HAUS6: variants seen among roughly 807,000 people sequenced by gnomAD.
HAUS6 encodes the protein HAUS augmin like complex subunit 6.
In HAUS6, 80 loss-of-function variants were observed where a neutral mutation model predicts 106.8. The ratio of observed to expected loss-of-function variants is 0.75; its 90% confidence interval spans 0.63 to 0.90. The LOEUF (loss-of-function observed/expected upper bound fraction) is 0.90, where lower values mean the gene tolerates loss of function less well. Among genes scored for constraint, HAUS6 ranks in the 40% least tolerant of loss-of-function variants. The pLI, the probability that HAUS6 is intolerant of heterozygous loss-of-function variation, is 0.00. For synonymous variants in HAUS6, 356 were observed against 379.1 expected (o/e 0.94, Z 0.71); for missense variants, 1,155 against 1,118.1 (o/e 1.03, Z -0.47).
chr9:19,077,497 T>C (rs1214487376), intron 10 of HAUS6, among the ~76,000 whole-genome samples: 2 of 152,094 alleles, frequency 1.3e-5, no homozygotes, highest in East Asian at 3.9e-4. Flanking sequence ...ATCGTGCCAC[T>C]GCACTCCAGC....
intron 12 of HAUS6, among the ~76,000 whole-genome samples, chr9:19,069,657 C>T (rs1169200579): frequency 6.6e-6 from 1 of 152,074 alleles, no homozygotes; most frequent in East Asian, 1.9e-4. Context: ...CAAAATCGTG[C>T]CATTGCACTC....
At chr9:19,096,523 C>G (rs1018742273) in intron 2 of HAUS6, 151 bp downstream of exon 2, 2 of 524,086 alleles carry the variant, frequency 3.8e-6, no homozygotes, top group East Asian at 7.2e-5. Context: ...CTAGATCACG[C>G]CACTGCACTC....
intron 5 of HAUS6, among the ~76,000 whole-genome samples, chr9:19,088,739 G>A (rs1017466960): frequency 4.0e-5 from 6 of 151,256 alleles, no homozygotes; most frequent in African/African-American, 9.7e-5. Flanking sequence ...TGAGCCAGGC[G>A]TGGTGGCAGG....
chr9:19,067,852 C>G (rs1836796307), intron 12 of HAUS6, among the ~76,000 whole-genome samples: 1 of 151,964 alleles, frequency 6.6e-6, no homozygotes, highest in South Asian at 2.1e-4. Flanking sequence ...GCCACCACAC[C>G]CAGCTAATTT....
Position 19,054,008 on chromosome 9 carries a change from TAGG to T in HAUS6, c.*2332_*2334del, listed in dbSNP as rs907888612. The T allele has an allele frequency of 2.0e-5, 3 of 152,180 alleles. No homozygotes were observed. Among genetic ancestry groups the T allele is most frequent in the South Asian group, 2.1e-4 (1 of 4,830 alleles). 9.4% of individuals were successfully genotyped at this position (152,180 alleles called of 1,614,324 possible). A position where few individuals can be genotyped will look rare whatever the true frequency, so the allele number is the denominator to read the frequency against. On this transcript the variant is annotated 3_prime_UTR_variant, in exon 17 of 17. Coordinates refer to ENST00000380502, the MANE Select transcript of HAUS6 (RefSeq NM_017645.5). ...ATTAAATGAATAAAAAGATAAACCA[TAGG>T]AGATTTCAGAGAAGGAGTAGGCACA...
chr9:19,076,949 T>C (rs1297500498), intron 10 of HAUS6, among the ~76,000 whole-genome samples: 1 of 152,116 alleles, frequency 6.6e-6, no homozygotes, highest in Non-Finnish European at 1.5e-5. Flanking sequence ...ACTTAAGCAG[T>C]CCTCCCACTT....
rs770197590 is a variant in HAUS6 at position 19,082,934 on chromosome 9, G to C, written c.809C>G (p.Thr270Ser). Residue 270 changes from threonine (T) to serine (S), a missense_variant, in exon 8 of 17, where the codon ACT becomes AGT. Coordinates refer to ENST00000380502, the MANE Select transcript of HAUS6 (RefSeq NM_017645.5). ...CCTTGGAATATTAATAGCAACATTA[G>C]TTCCATCTAAAGCATATTGGTTAAC... ...SLVNQYALDG[T>S]NVAINIPRLL... 6.5e-7 allele frequency: 1 copy of C among 1,543,020 alleles called. No homozygotes were observed. The highest frequency in any genetic ancestry group is 8.8e-7 in the Non-Finnish European group (1 of 1,134,644).
At chr9:19,075,063 G>C (rs889901800) in intron 11 of HAUS6, among the ~76,000 whole-genome samples, 1 of 152,226 alleles carries the variant, frequency 6.6e-6, no homozygotes, top group Non-Finnish European at 1.5e-5. Flanking sequence ...GAAAAGGAAT[G>C]TAATACTGAC....
chr9:19,088,152 C>T (rs1348797774), intron 5 of HAUS6, among the ~76,000 whole-genome samples: 5 of 152,184 alleles, frequency 3.3e-5, no homozygotes, highest in African/African-American at 9.7e-5. Context: ...CAGTGGCTCA[C>T]GCCTATAATC....
At chr9:19,062,943 G>T in intron 14 of HAUS6, 65 bp downstream of exon 14, 1 of 1,218,828 alleles carries the variant, frequency 8.2e-7, no homozygotes, top group Non-Finnish European at 1.2e-6. Flanking sequence ...TGGGATTACA[G>T]ACATGGGCCA....
chr9:19,099,700 A>C (rs376203010), intron 1 of HAUS6, among the ~76,000 whole-genome samples: 5 of 152,216 alleles, frequency 3.3e-5, no homozygotes, highest in East Asian at 3.8e-4. Flanking sequence ...GGCCTCAAGC[A>C]ATCTCCCACC....
intron 12 of HAUS6, among the ~76,000 whole-genome samples, chr9:19,069,624 G>T (rs112485847): frequency 6.6e-6 from 1 of 152,088 alleles, no homozygotes; most frequent in Non-Finnish European, 1.5e-5. Flanking sequence ...TTGAACCCAG[G>T]AGGCGGGGAT....
At chr9:19,085,318 T>C (rs1368033487) in intron 7 of HAUS6, among the ~76,000 whole-genome samples, 3 of 152,142 alleles carry the variant, frequency 2.0e-5, no homozygotes, top group Non-Finnish European at 4.4e-5. Flanking sequence ...GTGAAAACTT[T>C]AATAGGTTCT....
At chr9:19,065,989 G>A (rs931867681) in intron 12 of HAUS6, among the ~76,000 whole-genome samples, 3 of 146,464 alleles carry the variant, frequency 2.0e-5, no homozygotes, top group Non-Finnish European at 3.0e-5. Context: ...ACACTGGAGT[G>A]CAGTGGCGGG....
intron 1 of HAUS6, among the ~76,000 whole-genome samples, chr9:19,098,305 G>A (rs1817905896): frequency 1.3e-5 from 2 of 152,090 alleles, no homozygotes; most frequent in Admixed American, 6.6e-5. Flanking sequence ...GGGCGTGGTG[G>A]CGTGCACCTG....
At position 19,093,266 on chromosome 9, in the gene HAUS6, G is replaced by A; in HGVS notation, c.341C>T (p.Ser114Leu). ...AGGACCACCAGGAGAAAGAAATAGT[G>A]AACCAACAACTTGAGGAAAGCTACT... ...CGSSFPQVVGSLFLSPGGPKF... is the reference protein window; with the variant it reads ...CGSSFPQVVGLLFLSPGGPKF... Residue 114 changes from serine (S) to leucine (L), a missense_variant, in exon 4 of 17, where the codon TCA becomes TTA. Physicochemically the swap from Ser to Leu is moderately radical, Grantham distance 145. This residue lies in a region of HAUS6 where 761 missense variants were observed against 690.0 expected (regional missense o/e 1.10). Transcript: ENST00000380502. 6.2e-7 allele frequency: 1 copy of A among 1,609,336 alleles called. No individual in the cohort carries two copies. The highest frequency in any genetic ancestry group is 8.5e-7 in the Non-Finnish European group (1 of 1,177,552).
rs140508604 is a variant in HAUS6, at chr9:19,058,389, C to A, written c.2378G>T (p.Ser793Ile). The A allele has an allele frequency of 1.9e-6, 3 of 1,613,898 alleles. No homozygotes were observed. Among genetic ancestry groups the A allele is most frequent in the East Asian group, 2.2e-5 (1 of 44,890 alleles). ...EVGHLSFNSSSSSEANFKLEP... is the reference protein window; with the variant it reads ...EVGHLSFNSSISSEANFKLEP... ...CAGTTTAAAATTGGCCTCTGAACTA[C>A]TGGAACTATTAAAACTTAGATGACC... The change falls in exon 16 of 17, where the codon AGT becomes ATT. Residue 793 changes from serine to isoleucine, a missense_variant. By Grantham distance (142) the Ser-to-Ile change is moderately radical (BLOSUM62 -2). Transcript: ENST00000380502.
chr9:19,093,902 T>G (rs1344823615), intron 3 of HAUS6, among the ~76,000 whole-genome samples: 1 of 152,088 alleles, frequency 6.6e-6, no homozygotes, highest in East Asian at 1.9e-4. Context: ...AATAAAGAAT[T>G]TGATCAGAAT....
chr9:19,101,094 GT>G (rs1393906326), intron 1 of HAUS6, among the ~76,000 whole-genome samples: 1 of 152,164 alleles, frequency 6.6e-6, no homozygotes, highest in Non-Finnish European at 1.5e-5. Flanking sequence ...GAACTGAAAT[GT>G]TTCCAACACA....
Sources: allele counts gnomAD v4.1 joint callset (sites outside exome capture counted in the v4.1 genomes callset), GRCh38; gene constraint gnomAD v4.1.1; regional missense constraint gnomAD v4.1.1; transcripts MANE v1.5; gene names NCBI Gene and HGNC (gene_info 2026-07-23, HGNC 2026-07-21).